The following ARHGEF10 variants were observed in gnomAD, a reference collection of about 807,000 sequenced individuals.
The protein encoded by ARHGEF10 is Rho guanine nucleotide exchange factor 10.
ARHGEF10 carries 140 observed loss-of-function variants against 147.4 expected under a neutral mutation model. The observed-to-expected ratio is 0.95, with a 90% CI of 0.83 to 1.09. The LOEUF (loss-of-function observed/expected upper bound fraction) is 1.09. Among genes scored for constraint, ARHGEF10 ranks in the 50% least tolerant of loss-of-function variants. The pLI is 0.00. For synonymous variants in ARHGEF10, 902 were observed against 695.8 expected (o/e 1.30, Z -4.67); for missense variants, 2,222 against 1,752.7 (o/e 1.27, Z -4.78).
chr8:1,829,325 C>T (rs971750351), intron 1 of ARHGEF10, among the ~76,000 whole-genome samples: 1 of 152,256 alleles, frequency 6.6e-6, no homozygotes, highest in Non-Finnish European at 1.5e-5. Context: ...CAGTTCTGAG[C>T]CTGGCGGGGT....
At chr8:1,844,763 A>G (rs562814848) in intron 2 of ARHGEF10, among the ~76,000 whole-genome samples, 3 of 152,168 alleles carry the variant, frequency 2.0e-5, no homozygotes, top group South Asian at 2.1e-4. Context: ...CTGCCAGACT[A>G]GGTTGTTTTA....
intron 18 of ARHGEF10, among the ~76,000 whole-genome samples, chr8:1,909,739 C>T (rs562478337): frequency 1.3e-5 from 2 of 152,300 alleles, no homozygotes; most frequent in South Asian, 4.1e-4. Context: ...TTCCGTCTTC[C>T]CGGTCCAGTG....
chr8:1,930,755 C>T (rs1813067212), intron 25 of ARHGEF10, among the ~76,000 whole-genome samples: 1 of 152,228 alleles, frequency 6.6e-6, no homozygotes, highest in Non-Finnish European at 1.5e-5. Flanking sequence ...GGGGACGGCC[C>T]CTCCTTCTCC....
chr8:1,923,139 T>A, intron 19 of ARHGEF10, 60 bp downstream of exon 19: 1 of 1,226,682 alleles, frequency 8.2e-7, no homozygotes, highest in East Asian at 2.3e-5. Flanking sequence ...ATTGTAAGTA[T>A]GTGATTATAT....
At chr8:1,876,245 G>T (rs1326717292) in intron 7 of ARHGEF10, 3 of 381,450 alleles carry the variant, frequency 7.9e-6, no homozygotes, top group African/African-American at 4.1e-5. Context: ...TTTTCTTCTT[G>T]TGAAGTTCTC....
chr8:1,948,448 T>G lies in ARHGEF10; in HGVS notation c.3397+2793T>G, dbSNP rs965971871. On this transcript the variant is annotated intron_variant, in intron 27 of 28. Transcript: ENST00000349830. This position sits in a 1 kb window ranked among gnomAD's most constrained non-coding sequence, Gnocchi z 4.9. ...GGAAATAGCTCCAGCTTCACTGATTTCTGGGGTACACTGACTGCTTTACCC... is the reference window on the plus strand; with the variant it reads ...GGAAATAGCTCCAGCTTCACTGATTGCTGGGGTACACTGACTGCTTTACCC... 6.6e-6 allele frequency among the ~76,000 whole-genome samples: 1 copy of G among 152,226 alleles called. No homozygotes were observed. Among genetic ancestry groups the G allele is most frequent in the Non-Finnish European group, 1.5e-5 (1 of 68,046 alleles).
intron 9 of ARHGEF10, among the ~76,000 whole-genome samples, 179 bp from the exon 10 acceptor site, chr8:1,882,456 G>A (rs1808283110): frequency 1.3e-5 from 2 of 152,196 alleles, no homozygotes; most frequent in Admixed American, 1.3e-4. Flanking sequence ...TATTTTTAAG[G>A]TCTGTTTTTT....
rs1808899328 is a variant in ARHGEF10 at position 1,888,171 on chromosome 8, CAG to C, written c.1182+2465_1182+2466del. On this transcript the variant is annotated intron_variant, in intron 11 of 28. Coordinates refer to ENST00000349830, the MANE Select transcript of ARHGEF10 (RefSeq NM_014629.4). The stretch of plus-strand genomic sequence containing the variant: ...TAGTGGGGCGAGGGTTGCGAGGAGA[CAG>C]TGAGTGGGGTGAGGGTTTGCGAGGA... 7.8e-5 allele frequency among the ~76,000 whole-genome samples: 5 copies of C among 64,272 alleles called. 1 individual carries two copies. Among genetic ancestry groups the C allele is most frequent in the African/African-American group, 3.3e-4 (3 of 9,204 alleles). 42.2% of individuals were successfully genotyped at this position (64,272 alleles called of 152,430 possible). A position where few individuals can be genotyped will look rare whatever the true frequency, so the allele number is the denominator to read the frequency against.
At chr8:1,912,207 C>G (rs1216585124) in intron 18 of ARHGEF10, among the ~76,000 whole-genome samples, 1 of 151,002 alleles carries the variant, frequency 6.6e-6, no homozygotes, top group Non-Finnish European at 1.5e-5. Flanking sequence ...GTGTTAGACT[C>G]AGCAGGAAGC....
intron 4 of ARHGEF10, among the ~76,000 whole-genome samples, chr8:1,864,074 A>G (rs1412257602): frequency 1.3e-5 from 2 of 152,036 alleles, no homozygotes; most frequent in Non-Finnish European, 2.9e-5. Flanking sequence ...TCCCATGCAC[A>G]TGTGGAGTGG....
chr8:1,929,511 AGCCTCCCC>A lies in ARHGEF10; in HGVS notation c.3079+69_3079+76del, dbSNP rs969454548. 41 of 1,520,486 alleles carry A rather than the reference AGCCTCCCC, an allele frequency of 2.7e-5. No homozygotes were observed. The African/African-American group carries it at 5.3e-4, about 20-fold the overall frequency. The allele number at this position is 1,520,486 out of a possible 1,614,324, so 94.2% of individuals were successfully genotyped here. ...ACTCAGGGGACTGTGCATCCGGTTT[AGCCTCCCC>A]ACCTCCCCACCGGCCTCCTGCCTCC... On this transcript the variant is annotated intron_variant, in intron 25 of 28. Transcript: ENST00000349830.
chr8:1,945,127 A>G (rs1814459544), intron 26 of ARHGEF10, among the ~76,000 whole-genome samples: 1 of 152,182 alleles, frequency 6.6e-6, no homozygotes, highest in East Asian at 1.9e-4. Context: ...GGAGACATCG[A>G]GGAAGGTTCC....
At chr8:1,871,688 G>A (rs71518096) in intron 7 of ARHGEF10, among the ~76,000 whole-genome samples, 3 of 152,102 alleles carry the variant, frequency 2.0e-5, no homozygotes, top group African/African-American at 7.2e-5. Flanking sequence ...CATGATGGTA[G>A]GCACCTGTAA....
intron 26 of ARHGEF10, among the ~76,000 whole-genome samples, chr8:1,940,388 G>A (rs1347100646): frequency 6.6e-6 from 1 of 152,158 alleles, no homozygotes; most frequent in Non-Finnish European, 1.5e-5. Flanking sequence ...GAGATGGACA[G>A]ACTCTAGAGT....
At chr8:1,944,206 C>T (rs555438358) in intron 26 of ARHGEF10, among the ~76,000 whole-genome samples, 163 of 151,166 alleles carry the variant, frequency 1.1e-3, no homozygotes, top group Non-Finnish European at 2.1e-3. Flanking sequence ...GGACCCCAGC[C>T]TCCTGCACCA....
intron 1 of ARHGEF10, among the ~76,000 whole-genome samples, chr8:1,837,666 G>T (rs1456039138): frequency 6.6e-6 from 1 of 152,166 alleles, no homozygotes; most frequent in Non-Finnish European, 1.5e-5. Context: ...CTTGTCTAGG[G>T]CGGGAAGGGG....
At chr8:1,888,471 TGAG>T (rs1563234887) in intron 11 of ARHGEF10, among the ~76,000 whole-genome samples, 1 of 91,574 alleles carries the variant, frequency 1.1e-5, no homozygotes, top group Non-Finnish European at 2.2e-5. Flanking sequence ...TGAGGGGTAT[TGAG>T]GAGACACTGA....
At chr8:1,868,354 A>G (rs888854090) in intron 6 of ARHGEF10, among the ~76,000 whole-genome samples, 39 of 152,326 alleles carry the variant, frequency 2.6e-4, no homozygotes, top group Middle Eastern at 3.4e-3. Flanking sequence ...TGATGCAGTC[A>G]TATGTCATAG....
intron 14 of ARHGEF10, among the ~76,000 whole-genome samples, 200 bp downstream of exon 14, chr8:1,896,649 A>T (rs1363583477): frequency 3.9e-5 from 6 of 152,228 alleles, no homozygotes; most frequent in Admixed American, 6.5e-5. Flanking sequence ...GCACCTTCTT[A>T]AAAGTGTATC....
Sources: gnomAD v4.1 joint callset for allele counts (sites outside exome capture counted in the v4.1 genomes callset) on GRCh38, gnomAD v4.1.1 for gene constraint, Gnocchi (gnomAD v3.1) non-coding constraint, MANE v1.5 for transcripts, NCBI Gene and HGNC (gene_info 2026-07-23, HGNC 2026-07-21) for gene names.